FRMD4B: variants seen among roughly 807,000 people sequenced by gnomAD.
FRMD4B encodes FERM domain containing 4B.
A neutral mutation model predicts 141.5 loss-of-function variants in FRMD4B; 74 were observed. The observed-to-expected ratio is 0.52, with a 90% CI of 0.43 to 0.63. FRMD4B has a LOEUF of 0.63. FRMD4B is among the 30% of genes least tolerant of loss of function. FRMD4B has a pLI of 0.00. For synonymous variants in FRMD4B, 506 were observed against 467.9 expected (o/e 1.08, Z -1.05); for missense variants, 1,366 against 1,253.4 (o/e 1.09, Z -1.36).
chr3:69,458,199 T>TGGAGTCAAA, intron 1 of FRMD4B, among the ~76,000 whole-genome samples: 1 of 152,290 alleles, frequency 6.6e-6, no homozygotes, highest in Middle Eastern at 3.4e-3. Context: ...TGCTCATAGA[T>TGGAGTCAAA]GGAGTCAAAT....
At chr3:69,487,891 C>A (rs550503378) in intron 1 of FRMD4B, among the ~76,000 whole-genome samples, 1 of 152,282 alleles carries the variant, frequency 6.6e-6, no homozygotes, top group African/African-American at 2.4e-5. Flanking sequence ...TGAGAAATCA[C>A]TACCCTTGAA....
intron 1 of FRMD4B, chr3:69,320,809 C>T (rs2107278879): frequency 6.6e-6 from 1 of 152,306 alleles, no homozygotes; most frequent in African/African-American, 2.4e-5. Flanking sequence ...TGACTTGATC[C>T]CCTTCCCGCT....
At chr3:69,370,316 G>C (rs1703790022) in intron 1 of FRMD4B, among the ~76,000 whole-genome samples, 2 of 152,098 alleles carry the variant, frequency 1.3e-5, no homozygotes, top group Non-Finnish European at 2.9e-5. Context: ...CCAACCACAG[G>C]GCCGGGTGCA....
intron 1 of FRMD4B, among the ~76,000 whole-genome samples, chr3:69,496,201 A>G (rs1172068895): frequency 2.0e-5 from 3 of 152,242 alleles, no homozygotes; most frequent in Non-Finnish European, 4.4e-5. Flanking sequence ...TAAAAATGCC[A>G]GACGCTCAAA....
In FRMD4B at chr3:69,283,979, A is replaced by AAAC. The variant is rs747070040; in HGVS notation, c.501+3772_501+3773insGTT. Among the ~76,000 whole-genome samples, 57 of 151,942 alleles carry AAAC rather than the reference A, an allele frequency of 3.8e-4. 1 individual carries two copies. The highest frequency in any genetic ancestry group is 1.0e-3 in the Admixed American group (16 of 15,248). ...AAAAAACAAAACAAAACAAAACAAA[A>AAAC]AAAACAAAAAACAGACAAAATATAT... is the stretch of plus-strand genomic sequence containing the variant. On this transcript the variant is annotated intron_variant, in intron 5 of 22. Coordinates refer to ENST00000398540, the MANE Select transcript of FRMD4B (RefSeq NM_015123.3).
intron 1 of FRMD4B, among the ~76,000 whole-genome samples, chr3:69,377,499 CGTAGAAG>C (rs1704003048): frequency 6.6e-6 from 1 of 152,174 alleles, no homozygotes; most frequent in Non-Finnish European, 1.5e-5. Flanking sequence ...GGGAGGCACC[CGTAGAAG>C]GTGCTTGATG....
chr3:69,242,695 G>GAAAAA (rs534090647), intron 7 of FRMD4B, among the ~76,000 whole-genome samples: 2,004 of 124,606 alleles, frequency 0.016, 55 homozygotes, highest in African/African-American at 0.055. Flanking sequence ...AAAATCTTAG[G>GAAAAA]AAAAAAAAAA....
chr3:69,494,108 G>A (rs913812798), intron 1 of FRMD4B, among the ~76,000 whole-genome samples: 1 of 152,132 alleles, frequency 6.6e-6, no homozygotes, highest in Non-Finnish European at 1.5e-5. Context: ...TCGAACTCTC[G>A]GCATCAAGTG....
intron 1 of FRMD4B, among the ~76,000 whole-genome samples, chr3:69,516,498 A>G (rs1700757279): frequency 1.3e-5 from 2 of 152,312 alleles, no homozygotes; most frequent in Admixed American, 6.5e-5. Context: ...CAGCTCCCAG[A>G]AAGTAGAAAA....
intron 1 of FRMD4B, among the ~76,000 whole-genome samples, chr3:69,336,132 T>C (rs966684070): frequency 6.6e-6 from 1 of 152,084 alleles, no homozygotes. Flanking sequence ...CTATGGAGAA[T>C]GCACAGTTTA....
At chr3:69,228,234 G>A (rs745540758) in intron 7 of FRMD4B, 19 of 429,168 alleles carry the variant, frequency 4.4e-5, no homozygotes, top group Non-Finnish European at 8.0e-5. Context: ...TGCCTTCAAT[G>A]ATAAGAATCC....
chr3:69,425,498 A>G (rs1348838285), intron 2 of FRMD4B, among the ~76,000 whole-genome samples: 3 of 152,190 alleles, frequency 2.0e-5, no homozygotes, highest in African/African-American at 7.2e-5. Flanking sequence ...GAAATTAAAT[A>G]TGGACCCTGC....
chr3:69,342,143 A>G (rs75023498), intron 1 of FRMD4B, among the ~76,000 whole-genome samples: 1,606 of 152,248 alleles, frequency 0.011, 28 homozygotes, highest in African/African-American at 0.037. Flanking sequence ...CTTTCCAGGA[A>G]GGCTTTTTAT....
intron 1 of FRMD4B, among the ~76,000 whole-genome samples, chr3:69,480,184 T>C (rs1448331612): frequency 6.6e-6 from 1 of 152,148 alleles, no homozygotes; most frequent in South Asian, 2.1e-4. Flanking sequence ...AGTTTGATCG[T>C]CTGAAGCCTT....
chr3:69,328,569 TGGTATCACAA>T (rs1365922840), intron 1 of FRMD4B, among the ~76,000 whole-genome samples: 1 of 152,120 alleles, frequency 6.6e-6, no homozygotes, highest in Non-Finnish European at 1.5e-5. Flanking sequence ...TCAGCAGGGC[TGGTATCACAA>T]GATACAGGTC....
chr3:69,393,189 C>T (rs904424363), intron 2 of FRMD4B, among the ~76,000 whole-genome samples: 1 of 152,286 alleles, frequency 6.6e-6, no homozygotes, highest in East Asian at 1.9e-4. Context: ...TCAGCAAACT[C>T]ATTTCACTCC....
At chr3:69,453,131 G>A (rs186333499) in intron 1 of FRMD4B, among the ~76,000 whole-genome samples, 18 of 152,318 alleles carry the variant, frequency 1.2e-4, no homozygotes, top group Non-Finnish European at 2.2e-4. Context: ...GTTTATTGAA[G>A]ACACAGGCAG....
rs185389408 is a variant in FRMD4B at position 69,475,349 on chromosome 3, C to T, written c.-128-42588G>A. 6.8e-3 allele frequency among the ~76,000 whole-genome samples: 1,028 copies of T among 151,746 alleles called. 18 individuals carry two copies. The highest frequency in any genetic ancestry group is 0.024 in the African/African-American group (988 of 41,282). On this transcript the variant is annotated intron_variant, in intron 1 of 5. Coordinates refer to the FRMD4B transcript ENST00000459638. Reference sequence around the variant, plus strand: ...TTAGGTATATCTCCTAATGCTATCCCTCCCCCTTCCCCCCACCCCACAACA... The same window carrying T: ...TTAGGTATATCTCCTAATGCTATCCTTCCCCCTTCCCCCCACCCCACAACA...
intron 5 of FRMD4B, among the ~76,000 whole-genome samples, chr3:69,287,220 A>C (rs1364570097): frequency 6.6e-6 from 1 of 152,272 alleles, no homozygotes; most frequent in Non-Finnish European, 1.5e-5. Flanking sequence ...CATTAGATAG[A>C]AATAAAAAAC....
Sources: gnomAD v4.1 joint callset for allele counts (sites outside exome capture counted in the v4.1 genomes callset) on GRCh38, gnomAD v4.1.1 for gene constraint, MANE v1.5 for transcripts, NCBI Gene and HGNC (gene_info 2026-07-23, HGNC 2026-07-21) for gene names.